The following EPHA7 variants were observed in gnomAD, a reference collection of about 807,000 sequenced individuals.
The protein encoded by EPHA7 is EPH receptor A7.
In EPHA7, 25 loss-of-function variants were observed where a neutral mutation model predicts 112.6. That is an observed-to-expected ratio of 0.22 (90% confidence interval 0.16 to 0.31). The LOEUF is 0.31. Among genes scored for constraint, EPHA7 ranks in the 10% least tolerant of loss-of-function variants. The pLI, the probability that EPHA7 is intolerant of heterozygous loss-of-function variation, is 1.00. For missense variants in EPHA7, 962 were observed against 1,212.6 expected, an observed-to-expected ratio of 0.79 and a Z score of 3.07; for synonymous variants, 437 against 406.5, an observed-to-expected ratio of 1.07 and a Z score of -0.90.
Position 93,269,659 on chromosome 6 carries a change from T to A in EPHA7, c.1451A>T (p.Asp484Val). 1 of 1,509,714 alleles carries A rather than the reference T, an allele frequency of 6.6e-7. No individual in the cohort carries two copies. Among genetic ancestry groups the A allele is most frequent in the East Asian group, 2.4e-5 (1 of 41,194 alleles). The allele number at this position is 1,509,714 out of a possible 1,614,324, so 93.5% of individuals were successfully genotyped here. Residue 484 changes from aspartate to valine, a missense_variant and splice_region_variant, in exon 7 of 17, where the codon GAT (aspartate) becomes GTT (valine). Physicochemically the swap from Asp to Val is radical, Grantham distance 152. Around this residue, in one of 3 missense-constraint regions of EPHA7, gnomAD observed 746 missense variants for 889.2 expected, o/e 0.84. Coordinates refer to ENST00000369303, the MANE Select transcript of EPHA7 (RefSeq NM_004440.4). ...TEYEIKYYEK[D>V]QRERTYSTVK... is the part of the protein sequence containing the mutation. ...TGTTGAGTAGGTCCGTTCCCTTTGA[T>A]CCTAGAAACAATATTTAGAGGAAAT...
chr6:93,255,855 A>G lies in EPHA7; in HGVS notation c.2355T>C (p.Asp785=), dbSNP rs779666872. Residue 785 remains aspartate (D), a synonymous_variant, in exon 13 of 17, where the codon GAT becomes GAC. Coordinates refer to ENST00000369303, the MANE Select transcript of EPHA7 (RefSeq NM_004440.4). ...TAGTTGTATAGACAGCTTCTGGATC[A>G]TCCTCTATAACTCGGGACAGGCCAA... The part of the protein sequence containing the change: ...SDFGLSRVIE[D]DPEAVYTTTG... 3.3e-5 allele frequency: 54 copies of G among 1,613,972 alleles called. No individual in the cohort carries two copies. Among genetic ancestry groups the G allele is most frequent in the Non-Finnish European group, 4.3e-5 (51 of 1,179,976 alleles).
chr6:93,366,708 G>T (rs749300821), intron 3 of EPHA7, among the ~76,000 whole-genome samples: 1 of 152,064 alleles, frequency 6.6e-6, no homozygotes, highest in African/African-American at 2.4e-5. Context: ...TTTACCTCTC[G>T]CTTTCACCGT....
chr6:93,247,372 T>C (rs1308220765), intron 14 of EPHA7, among the ~76,000 whole-genome samples: 3 of 152,190 alleles, frequency 2.0e-5, no homozygotes, highest in Non-Finnish European at 4.4e-5. Context: ...AAAAGGAATT[T>C]GAGTTACCCA....
chr6:93,359,393 TC>T (rs138022068), intron 3 of EPHA7, among the ~76,000 whole-genome samples: 6,873 of 151,116 alleles, frequency 0.045, 259 homozygotes, highest in East Asian at 0.19. Flanking sequence ...TTGAAGACAT[TC>T]AATCTATTCT....
chr6:93,383,253 T>C (rs1298215310), intron 3 of EPHA7, among the ~76,000 whole-genome samples: 1 of 139,722 alleles, frequency 7.2e-6, no homozygotes, highest in South Asian at 2.3e-4. Flanking sequence ...CAATGACTTA[T>C]ATTGGAACTC....
In EPHA7 at chr6:93,356,802, A is replaced by C; in HGVS notation, c.1239T>G (p.Phe413Leu). 6.2e-7 allele frequency: 1 copy of C among 1,614,196 alleles called. No homozygotes were observed. The stretch of plus-strand genomic sequence containing the variant: ...AAACTCCATTTACAGCTTCAACTTC[A>C]AAAGTATAATTAGCGTGGGCTAGCA... ...MDLLAHANYT[F>L]EVEAVNGVSD... The change falls in exon 5 of 17, where the codon TTT becomes TTG. Residue 413 changes from phenylalanine (F) to leucine (L), a missense_variant. This residue lies in a region of EPHA7 where 746 missense variants were observed against 889.2 expected (regional missense o/e 0.84). Transcript: ENST00000369303.
chr6:93,417,439 C>T (rs1779296319), intron 1 of EPHA7, among the ~76,000 whole-genome samples: 1 of 152,192 alleles, frequency 6.6e-6, no homozygotes, highest in African/African-American at 2.4e-5. Context: ...ATCACCCCCG[C>T]GCCTTTTATA....
At chr6:93,287,524 T>A (rs1420386653) in intron 5 of EPHA7, among the ~76,000 whole-genome samples, 1 of 150,208 alleles carries the variant, frequency 6.7e-6, no homozygotes. Context: ...TCTGGTTGAT[T>A]CTTTTTTTTT....
chr6:93,264,540 T>C, intron 8 of EPHA7, 54 bp downstream of exon 8: 1 of 1,174,810 alleles, frequency 8.5e-7, no homozygotes, highest in Non-Finnish European at 1.2e-6. Flanking sequence ...GCTGACATAA[T>C]TCTTAAAAAA....
chr6:93,359,880 GATAGAT>G (rs1562123722), intron 3 of EPHA7, among the ~76,000 whole-genome samples: 47 of 144,920 alleles, frequency 3.2e-4, no homozygotes, highest in African/African-American at 8.6e-4. Context: ...GAGAGAGATA[GATAGAT>G]AGATAGATAG....
intron 2 of EPHA7, among the ~76,000 whole-genome samples, chr6:93,412,118 T>C (rs993411458): frequency 2.0e-5 from 3 of 152,044 alleles, no homozygotes; most frequent in Admixed American, 1.3e-4. Context: ...CCTAAATGAA[T>C]GGTTTGTTTT....
At chr6:93,365,443 A>G (rs1776461117) in intron 3 of EPHA7, among the ~76,000 whole-genome samples, 1 of 152,192 alleles carries the variant, frequency 6.6e-6, no homozygotes, top group South Asian at 2.1e-4. Flanking sequence ...TCATATTAAT[A>G]TCTATGTTTC....
At chr6:93,294,083 C>T (rs1772527245) in intron 5 of EPHA7, among the ~76,000 whole-genome samples, 1 of 152,090 alleles carries the variant, frequency 6.6e-6, no homozygotes, top group Non-Finnish European at 1.5e-5. Context: ...CAAATCATTT[C>T]CCGTGCAAGC....
intron 5 of EPHA7, among the ~76,000 whole-genome samples, chr6:93,347,696 G>T (rs1214663250): frequency 6.6e-6 from 1 of 151,828 alleles, no homozygotes; most frequent in Non-Finnish European, 1.5e-5. Flanking sequence ...ACAGATTTCA[G>T]TTTCTGCTGA....
chr6:93,362,059 A>T (rs1776287528), intron 3 of EPHA7, among the ~76,000 whole-genome samples: 1 of 152,130 alleles, frequency 6.6e-6, no homozygotes. Context: ...TTTACATGAT[A>T]CCATGAAGGC....
rs1562047217 is a variant in EPHA7, at chr6:93,255,978, A to G, written c.2232T>C (p.Ala744=). The change falls in exon 13 of 17, where the codon GCT becomes GCC. Residue 744 remains alanine, a synonymous_variant. Transcript: ENST00000369303. The part of the protein sequence containing the change: ...QLVGMLRGIA[A]GMRYLADMGY... ...CCATATCAGCCAAATATCTCATTCC[A>G]GCAGCAATTCCTCTCAGCATTCCTA... is the stretch of plus-strand genomic sequence containing the variant. 6.2e-7 allele frequency: 1 copy of G among 1,614,110 alleles called. No homozygotes were observed.
intron 12 of EPHA7, 87 bp downstream of exon 12, chr6:93,257,375 T>C: frequency 1.1e-6 from 1 of 951,306 alleles, no homozygotes; most frequent in Admixed American, 2.4e-5. Flanking sequence ...TACAAGGCTC[T>C]CATTTTACAT....
chr6:93,404,694 A>G (rs1317569063), intron 3 of EPHA7, among the ~76,000 whole-genome samples: 11 of 151,228 alleles, frequency 7.3e-5, no homozygotes, highest in Non-Finnish European at 1.6e-4. Flanking sequence ...TCACGGTAAG[A>G]GTATTTTTTC....
chr6:93,291,532 G>A (rs1772365812), intron 5 of EPHA7, among the ~76,000 whole-genome samples: 1 of 151,768 alleles, frequency 6.6e-6, no homozygotes, highest in Admixed American at 6.6e-5. Context: ...ACTTTGGGAG[G>A]CCGAGGCGGG....
Sources: allele counts gnomAD v4.1 joint callset (sites outside exome capture counted in the v4.1 genomes callset), GRCh38; gene constraint gnomAD v4.1.1; regional missense constraint gnomAD v4.1.1; transcripts MANE v1.5; gene names NCBI Gene and HGNC (gene_info 2026-07-23, HGNC 2026-07-21).